Variants in SLC44A5 observed in about 807,000 individuals in gnomAD.
The protein encoded by SLC44A5 is choline transporter-like protein 5.
In SLC44A5, 57 loss-of-function variants were observed where a neutral mutation model predicts 101.8. That is an observed-to-expected ratio of 0.56 (90% CI 0.45 to 0.70). SLC44A5 has a LOEUF of 0.70. Among genes scored for constraint, SLC44A5 ranks in the 30% least tolerant of loss-of-function variants. The probability of loss-of-function intolerance (pLI) is 0.00; values close to 1 mark genes in which losing one functional copy is unlikely to be tolerated. For synonymous variants in SLC44A5, 281 were observed against 290.9 expected (o/e 0.97, Z 0.35); for missense variants, 737 against 853.1 (o/e 0.86, Z 1.70).
At chr1:75,437,984 T>C (rs1664984258) in intron 2 of SLC44A5, among the ~76,000 whole-genome samples, 1 of 152,134 alleles carries the variant, frequency 6.6e-6, no homozygotes, top group Non-Finnish European at 1.5e-5. Context: ...ATTCCTGAAC[T>C]GTGTGATGCA....
At chr1:75,627,717 G>A in the SLC44A5 span, among the ~76,000 whole-genome samples, 5 of 151,274 alleles carry the variant, frequency 3.3e-5, no homozygotes, top group South Asian at 2.1e-4. Flanking sequence ...AGGGAAATTC[G>A]TATATAATAG....
At chr1:75,655,796 G>C in the SLC44A5 span, among the ~76,000 whole-genome samples, 3 of 152,048 alleles carry the variant, frequency 2.0e-5, no homozygotes, top group Non-Finnish European at 4.4e-5. Context: ...CTTTGGGCCA[G>C]GCCAGAAGGG....
intron 3 of SLC44A5, 152 bp from the exon 4 acceptor site, chr1:75,339,782 GT>G: frequency 1.7e-6 from 1 of 581,228 alleles, no homozygotes; most frequent in Non-Finnish European, 2.9e-6. Flanking sequence ...GTATGTCTTG[GT>G]TACAGTTGTC....
In SLC44A5 at chr1:75,498,147, T is replaced by C. The variant is rs528804222; in HGVS notation, c.13+43288A>G. 6.8e-4 allele frequency among the ~76,000 whole-genome samples: 103 copies of C among 152,318 alleles called. 1 individual carries two copies. Among genetic ancestry groups the C allele is most frequent in the African/African-American group, 2.3e-3 (97 of 41,570 alleles). On this transcript the variant is annotated intron_variant, in intron 2 of 23. Coordinates refer to ENST00000370859, the MANE Select transcript of SLC44A5 (RefSeq NM_001130058.2). ...GATTATGTATACAATAAGACTTCTATTTCTGACAGTATATTACACTAAATA... is the reference window on the plus strand; with the variant it reads ...GATTATGTATACAATAAGACTTCTACTTCTGACAGTATATTACACTAAATA...
intron 3 of SLC44A5, among the ~76,000 whole-genome samples, chr1:75,354,654 C>A (rs964268036): frequency 3.9e-5 from 6 of 152,288 alleles, no homozygotes; most frequent in African/African-American, 9.6e-5. Flanking sequence ...GACTTCGTCA[C>A]CCCCACGACC....
chr1:75,528,446 A>C (rs1670543446), intron 2 of SLC44A5, among the ~76,000 whole-genome samples: 1 of 152,234 alleles, frequency 6.6e-6, no homozygotes, highest in Non-Finnish European at 1.5e-5. Flanking sequence ...GGATTTTACG[A>C]AATTAAGAGT....
the SLC44A5 span, among the ~76,000 whole-genome samples, chr1:75,665,796 A>T: frequency 2.0e-5 from 3 of 152,188 alleles, no homozygotes; most frequent in Non-Finnish European, 4.4e-5. Context: ...CCCCATTTAG[A>T]AATGGGGAAA....
Position 75,327,517 on chromosome 1 carries a change from T to A in SLC44A5, c.101+12065A>T, listed in dbSNP as rs934000311. Among the ~76,000 whole-genome samples, 10 of 152,154 alleles carry A rather than the reference T, an allele frequency of 6.6e-5. 1 individual carries two copies. The highest frequency in any genetic ancestry group is 2.4e-4 in the African/African-American group (10 of 41,440). On this transcript the variant is annotated intron_variant, in intron 4 of 23. Coordinates refer to ENST00000370859, the MANE Select transcript of SLC44A5 (RefSeq NM_001130058.2). ...GCTATTCCTTTTCTTCTAGACACTA[T>A]ATAGGAAATTTGGGTAAGCTCATAC...
intron 6 of SLC44A5, among the ~76,000 whole-genome samples, chr1:75,258,635 G>A (rs1650225591): frequency 6.6e-6 from 1 of 152,148 alleles, no homozygotes; most frequent in Admixed American, 6.5e-5. Flanking sequence ...TGGCAGCTCT[G>A]AAGAGAGCAG....
At chr1:75,250,057 C>G (rs909163047) in intron 7 of SLC44A5, among the ~76,000 whole-genome samples, 1 of 152,076 alleles carries the variant, frequency 6.6e-6, no homozygotes, top group Non-Finnish European at 1.5e-5. Context: ...CATAGGTAAA[C>G]TTGTGTCATG....
the SLC44A5 span, among the ~76,000 whole-genome samples, chr1:75,621,876 G>A: frequency 6.6e-6 from 1 of 152,042 alleles, no homozygotes. Context: ...TAAAAAATTT[G>A]TTTCTGGCAC....
chr1:75,405,663 A>T (rs774090920), intron 2 of SLC44A5, among the ~76,000 whole-genome samples: 29 of 152,208 alleles, frequency 1.9e-4, no homozygotes, highest in Non-Finnish European at 4.1e-4. Flanking sequence ...ACCAATGAGA[A>T]CAAAGAGAAA....
At chr1:75,565,182 C>T (rs900313046) in intron 1 of SLC44A5, among the ~76,000 whole-genome samples, 2 of 152,146 alleles carry the variant, frequency 1.3e-5, no homozygotes, top group Admixed American at 6.5e-5. Flanking sequence ...CTACTTTTCC[C>T]GACCATAACT....
At chr1:75,276,902 T>A (rs771452280) in intron 5 of SLC44A5, among the ~76,000 whole-genome samples, 1 of 152,112 alleles carries the variant, frequency 6.6e-6, no homozygotes, top group African/African-American at 2.4e-5. Flanking sequence ...GTGTGGAACA[T>A]GTCTGTCAGT....
intron 2 of SLC44A5, among the ~76,000 whole-genome samples, chr1:75,505,335 G>A (rs1669192378): frequency 6.6e-6 from 1 of 152,126 alleles, no homozygotes; most frequent in African/African-American, 2.4e-5. Context: ...GAGTGCATGT[G>A]TCCTTTTGGT....
chr1:75,549,129 GATTTTATT>G (rs1671802768), intron 1 of SLC44A5, among the ~76,000 whole-genome samples: 2 of 125,424 alleles, frequency 1.6e-5, no homozygotes, highest in African/African-American at 5.8e-5. Context: ...CCTAAGCTCT[GATTTTATT>G]TCCAGAGGTT....
Position 75,356,862 on chromosome 1 carries a change from C to T in SLC44A5, c.53-17232G>A, listed in dbSNP as rs189308047. 7.9e-5 allele frequency among the ~76,000 whole-genome samples: 12 copies of T among 152,264 alleles called. No homozygotes were observed. The East Asian group carries it at 2.3e-3, about 29-fold the overall frequency. On this transcript the variant is annotated intron_variant, in intron 3 of 23. Coordinates refer to ENST00000370859, the MANE Select transcript of SLC44A5 (RefSeq NM_001130058.2). ...CTTGCCATTGTGTTACAATTGCCTACAGTATTCAGTACAATAACATGCTGT... is the reference window on the plus strand; with the variant it reads ...CTTGCCATTGTGTTACAATTGCCTATAGTATTCAGTACAATAACATGCTGT...
At chr1:75,442,839 C>A in intron 2 of SLC44A5, among the ~76,000 whole-genome samples, 1 of 152,142 alleles carries the variant, frequency 6.6e-6, no homozygotes, top group Non-Finnish European at 1.5e-5. Flanking sequence ...TCAACACAGT[C>A]CACATGCTCT....
intron 1 of SLC44A5, among the ~76,000 whole-genome samples, chr1:75,601,913 C>T (rs1412718288): frequency 6.6e-6 from 1 of 152,020 alleles, no homozygotes; most frequent in Non-Finnish European, 1.5e-5. Flanking sequence ...TTCAGAAATA[C>T]AAGATGCAGC....
Sources: gnomAD v4.1 joint callset for allele counts (sites outside exome capture counted in the v4.1 genomes callset) on GRCh38, gnomAD v4.1.1 for gene constraint, MANE v1.5 for transcripts, NCBI Gene and HGNC (gene_info 2026-07-23, HGNC 2026-07-21) for gene names.